EDNRA: variants seen among roughly 807,000 people sequenced by gnomAD.
The protein encoded by EDNRA is endothelin receptor type A.
Under a neutral mutation model 41.4 loss-of-function variants are expected in EDNRA, and 11 were observed. The ratio of observed to expected loss-of-function variants is 0.27; its 90% CI spans 0.17 to 0.44. The LOEUF is 0.44. Among genes scored for constraint, EDNRA ranks in the 20% least tolerant of loss-of-function variants. The pLI is 1.00. For missense variants in EDNRA, 294 were observed against 531.0 expected (o/e 0.55, Z 4.39); for synonymous variants, 172 against 183.0 (o/e 0.94, Z 0.49).
At chr4:147,503,084 G>A (rs1180760270) in intron 2 of EDNRA, among the ~76,000 whole-genome samples, 2 of 151,856 alleles carry the variant, frequency 1.3e-5, no homozygotes, top group Admixed American at 1.3e-4. Context: ...GAGAGCTTTA[G>A]TTTGGATAAA....
chr4:147,487,776 A>C (rs1728997714), intron 2 of EDNRA, among the ~76,000 whole-genome samples: 1 of 152,220 alleles, frequency 6.6e-6, no homozygotes, highest in Non-Finnish European at 1.5e-5. Flanking sequence ...AACAATCAAA[A>C]AATTACCATC....
chr4:147,483,247 G>C (rs970280131), intron 1 of EDNRA, among the ~76,000 whole-genome samples: 3 of 152,188 alleles, frequency 2.0e-5, no homozygotes, highest in African/African-American at 7.2e-5. Flanking sequence ...TACATGGCCT[G>C]CCTCTAGCCT....
chr4:147,534,935 C>T (rs570980636), intron 4 of EDNRA, among the ~76,000 whole-genome samples: 1 of 152,222 alleles, frequency 6.6e-6, no homozygotes, highest in African/African-American at 2.4e-5. Context: ...TTTTAATAGC[C>T]ATGTTATAAA....
chr4:147,519,947 G>A lies in EDNRA; in HGVS notation c.517G>A (p.Val173Ile), dbSNP rs1448060817. The A allele has an allele frequency of 2.5e-6, 4 of 1,612,740 alleles. No individual in the cohort carries two copies. Among genetic ancestry groups the A allele is most frequent in the African/African-American group, 1.3e-5 (1 of 74,830 alleles). Residue 173 changes from valine (V) to isoleucine (I), a missense_variant, in exon 3 of 8, where the codon GTC (valine) becomes ATC (isoleucine). Val to Ile is a conservative substitution (Grantham distance 29). Coordinates refer to ENST00000651419, the MANE Select transcript of EDNRA (RefSeq NM_001957.4). This position sits in a 1 kb window ranked among gnomAD's most constrained non-coding sequence, Gnocchi z 4.1. Reference sequence around the variant, plus strand: ...GCAGAAGTCCTCGGTGGGGATCACCGTCCTCAACCTCTGCGCTCTTAGTGT... The same window carrying A: ...GCAGAAGTCCTCGGTGGGGATCACCATCCTCAACCTCTGCGCTCTTAGTGT... ...FLQKSSVGIT[V>I]LNLCALSVDR...
chr4:147,518,039 C>T (rs1730176329), intron 2 of EDNRA, among the ~76,000 whole-genome samples: 1 of 152,146 alleles, frequency 6.6e-6, no homozygotes, highest in South Asian at 2.1e-4. Flanking sequence ...TCCTCTTAAT[C>T]TCCGGGAATG....
intron 5 of EDNRA, 47 bp from the exon 6 acceptor site, chr4:147,539,770 T>A: frequency 6.3e-7 from 1 of 1,589,610 alleles, no homozygotes; most frequent in Non-Finnish European, 8.5e-7. Context: ...GCATCTAGTA[T>A]AAAAACACTA....
chr4:147,502,893 A>C (rs1325095866), intron 2 of EDNRA, among the ~76,000 whole-genome samples: 2 of 152,196 alleles, frequency 1.3e-5, no homozygotes, highest in African/African-American at 4.8e-5. Flanking sequence ...TTTAGGACTG[A>C]TATGACTGCT....
At chr4:147,521,796 G>A (rs1490759012) in intron 3 of EDNRA, among the ~76,000 whole-genome samples, 1 of 152,036 alleles carries the variant, frequency 6.6e-6, no homozygotes, top group East Asian at 1.9e-4. Flanking sequence ...AATTCATGTA[G>A]AGAAAAGAAA....
chr4:147,527,487 T>G (rs1730595002), intron 3 of EDNRA, among the ~76,000 whole-genome samples: 1 of 152,222 alleles, frequency 6.6e-6, no homozygotes, highest in Non-Finnish European at 1.5e-5. Flanking sequence ...ATGATTATAG[T>G]CTATTCAAAC....
intron 3 of EDNRA, among the ~76,000 whole-genome samples, chr4:147,525,583 T>A (rs1211082783): frequency 7.9e-5 from 11 of 140,108 alleles, no homozygotes; most frequent in African/African-American, 1.5e-4. Flanking sequence ...TTACTTTGAG[T>A]TTGTTTGGAG....
At chr4:147,498,251 C>T (rs1729384463) in intron 2 of EDNRA, among the ~76,000 whole-genome samples, 1 of 152,214 alleles carries the variant, frequency 6.6e-6, no homozygotes, top group South Asian at 2.1e-4. Flanking sequence ...GTCATTGACA[C>T]TTTTCCTGCT....
intron 2 of EDNRA, chr4:147,490,082 G>C (rs1729084789): frequency 6.6e-6 from 1 of 151,038 alleles, no homozygotes; most frequent in South Asian, 2.1e-4. Flanking sequence ...AATTATATAT[G>C]TTGCATCTAA....
chr4:147,482,544 C>T (rs932519639), intron 1 of EDNRA, among the ~76,000 whole-genome samples: 10 of 152,218 alleles, frequency 6.6e-5, no homozygotes, highest in Non-Finnish European at 1.3e-4. Flanking sequence ...TTGGAAGAAC[C>T]TGCAGTTGAG....
intron 2 of EDNRA, among the ~76,000 whole-genome samples, chr4:147,496,434 ATAC>A (rs759853330): frequency 1.3e-5 from 2 of 152,230 alleles, no homozygotes; most frequent in South Asian, 4.1e-4. Context: ...AACAGTCATA[ATAC>A]TTTTTAAACT....
At chr4:147,540,508 T>G (rs759605417) in intron 7 of EDNRA, 23 bp downstream of exon 7, 11 of 1,543,116 alleles carry the variant, frequency 7.1e-6, no homozygotes, top group South Asian at 5.8e-5. Flanking sequence ...TTCAAGTATT[T>G]TTTAAAGACA....
At position 147,540,422 on chromosome 4, in the gene EDNRA, G is replaced by T. The variant is rs1459435838; in HGVS notation, c.1080G>T (p.Met360Ile). ...MDYIGINLAT[M>I]NSCINPIALY... ...ACATCGGTATTAACTTGGCAACCATGAATTCATGTATAAACCCCATAGCTC... is the reference window on the plus strand; with the variant it reads ...ACATCGGTATTAACTTGGCAACCATTAATTCATGTATAAACCCCATAGCTC... The change falls in exon 7 of 8, where the codon ATG becomes ATT. Residue 360 changes from methionine (M) to isoleucine (I), a missense_variant. Transcript: ENST00000651419. The T allele has an allele frequency of 4.3e-6, 7 of 1,613,704 alleles. No homozygotes were observed. In the African/African-American group the frequency reaches 8.0e-5, roughly 18 times the overall value.
chr4:147,484,566 T>C (rs1401427243), intron 1 of EDNRA, among the ~76,000 whole-genome samples: 2 of 152,170 alleles, frequency 1.3e-5, no homozygotes, highest in Non-Finnish European at 2.9e-5. Flanking sequence ...CACAGGACCA[T>C]TGTATGGATT....
At chr4:147,487,404 TC>T (rs1167237166) in intron 2 of EDNRA, among the ~76,000 whole-genome samples, 1 of 152,246 alleles carries the variant, frequency 6.6e-6, no homozygotes, top group Non-Finnish European at 1.5e-5. Context: ...AATGGCCTGA[TC>T]TATGCCAGAT....
chr4:147,507,254 T>C (rs1729750865), intron 2 of EDNRA, among the ~76,000 whole-genome samples: 1 of 151,752 alleles, frequency 6.6e-6, no homozygotes, highest in African/African-American at 2.4e-5. Context: ...TCACAGTAGT[T>C]TCACCTGTAA....
Sources: gnomAD v4.1 joint callset for allele counts (sites outside exome capture counted in the v4.1 genomes callset) on GRCh38, gnomAD v4.1.1 for gene constraint, Gnocchi (gnomAD v3.1) non-coding constraint, MANE v1.5 for transcripts, NCBI Gene and HGNC (gene_info 2026-07-23, HGNC 2026-07-21) for gene names.